Variants in USP20 observed in about 807,000 individuals in gnomAD.
USP20 encodes ubiquitin carboxyl-terminal hydrolase 20.
In USP20, 80 loss-of-function variants were observed where a neutral mutation model predicts 124.2. The observed-to-expected ratio is 0.64, with a 90% confidence interval of 0.54 to 0.78. The LOEUF (loss-of-function observed/expected upper bound fraction) is 0.78, where lower values mean the gene tolerates loss of function less well. USP20 is among the 30% of genes least tolerant of loss of function. USP20 has a pLI of 0.00. For missense variants in USP20, 1,043 were observed against 1,244.4 expected (o/e 0.84, Z 2.44); for synonymous variants, 481 against 512.3 (o/e 0.94, Z 0.83).
chr9:129,856,611 C>T (rs1360244249), intron 4 of USP20, among the ~76,000 whole-genome samples: 1 of 152,240 alleles, frequency 6.6e-6, no homozygotes, highest in Non-Finnish European at 1.5e-5. Flanking sequence ...CTGAAGGCTC[C>T]CTTCTTCATA....
intron 2 of USP20, 150 bp downstream of exon 2, chr9:129,850,074 G>A (rs745696329): frequency 5.3e-5 from 8 of 151,842 alleles, no homozygotes; most frequent in Non-Finnish European, 1.0e-4. Context: ...GAATGTGATC[G>A]CCTGTGTGTC....
chr9:129,862,285 A>G (rs568845837), intron 8 of USP20, among the ~76,000 whole-genome samples: 12 of 152,308 alleles, frequency 7.9e-5, no homozygotes, highest in Admixed American at 7.8e-4. Flanking sequence ...TGGGCGCAGT[A>G]GCCCACGCCT....
At chr9:129,840,068 A>C (rs773896926) in intron 1 of USP20, among the ~76,000 whole-genome samples, 8 of 151,580 alleles carry the variant, frequency 5.3e-5, no homozygotes, top group Non-Finnish European at 1.0e-4. Flanking sequence ...GCCCCAAGAG[A>C]GGAGGCTCTG....
Position 129,850,000 on chromosome 9 carries a change from A to G in USP20, c.-17+76A>G, listed in dbSNP as rs960850480. ...ACATGGATTTTTCTCTTTAGATGAA[A>G]GAATGGAATTGTGATTATGGGGTTT... On this transcript the variant is annotated intron_variant, in intron 2 of 25. Coordinates refer to ENST00000372429, the MANE Select transcript of USP20 (RefSeq NM_001110303.4). 36 of 151,790 alleles carry G rather than the reference A, an allele frequency of 2.4e-4. 1 individual carries two copies. Among genetic ancestry groups the G allele is most frequent in the Admixed American group, 2.4e-3 (36 of 15,252 alleles). 9.4% of individuals were successfully genotyped at this position (151,790 alleles called of 1,614,324 possible).
chr9:129,846,068 G>T (rs548755921), intron 1 of USP20, among the ~76,000 whole-genome samples: 46 of 151,570 alleles, frequency 3.0e-4, no homozygotes, highest in African/African-American at 1.1e-3. Flanking sequence ...GGGACTACAG[G>T]CGTCCGCCAC....
intron 11 of USP20, 109 bp from the exon 12 acceptor site, chr9:129,868,753 T>C: frequency 6.8e-7 from 1 of 1,474,438 alleles, no homozygotes; most frequent in Non-Finnish European, 9.0e-7. Flanking sequence ...GGAGACACAT[T>C]AGGGTCAGGC....
rs1402969337 is a variant in USP20, at chr9:129,858,455, A to G, written c.199-12A>G. The G allele has an allele frequency of 6.2e-7, 1 of 1,614,060 alleles. No individual in the cohort carries two copies. The highest frequency in any genetic ancestry group is 1.7e-5 in the Admixed American group (1 of 60,006). ...GAGTGCCCTGGACCTTGTTTTGGAT[A>G]TCACCCTCTAGGCAAAAAAGCACAA... On this transcript the variant is annotated splice_polypyrimidine_tract_variant and intron_variant, in intron 5 of 25. Transcript: ENST00000372429.
chr9:129,840,766 CTTTTTTTT>C (rs34092925), intron 1 of USP20, among the ~76,000 whole-genome samples: 10 of 120,482 alleles, frequency 8.3e-5, no homozygotes, highest in African/African-American at 3.1e-4. Flanking sequence ...CCTTTAGAAA[CTTTTTTTT>C]TTTTTTTTTT....
Position 129,846,402 on chromosome 9 carries a change from C to T in USP20, c.-128-3411C>T, listed in dbSNP as rs564201768. Reference sequence around the variant, plus strand: ...TCCCGAGTAGCTGGGACTACAGGTGCGTGCACCACCATGCCCACCTAATTT... The same window carrying T: ...TCCCGAGTAGCTGGGACTACAGGTGTGTGCACCACCATGCCCACCTAATTT... On this transcript the variant is annotated intron_variant, in intron 1 of 25. Transcript: ENST00000372429. 2.0e-5 allele frequency among the ~76,000 whole-genome samples: 3 copies of T among 150,514 alleles called. No individual in the cohort carries two copies. The South Asian group carries it at 6.3e-4, about 32-fold the overall frequency.
At chr9:129,852,447 T>C (rs1449188901) in intron 2 of USP20, 93 bp from the exon 3 acceptor site, 3 of 1,125,256 alleles carry the variant, frequency 2.7e-6, no homozygotes, top group Non-Finnish European at 3.9e-6. Flanking sequence ...AGACCAGGAC[T>C]CAAGGCCAAA....
chr9:129,879,509 C>A lies in USP20; in HGVS notation c.2513-64C>A. 1 of 1,578,800 alleles carries A rather than the reference C, an allele frequency of 6.3e-7. No homozygotes were observed. The highest frequency in any genetic ancestry group is 1.1e-5 in the South Asian group (1 of 89,980). On this transcript the variant is annotated intron_variant, in intron 23 of 25. Coordinates refer to ENST00000372429, the MANE Select transcript of USP20 (RefSeq NM_001110303.4). This position sits in a 1 kb window ranked among gnomAD's most constrained non-coding sequence, Gnocchi z 4.2. Reference sequence around the variant, plus strand: ...TGGGGCGGCCCCACTTGGGATGGCTCTGCTGCTGTGGAGGGTGGAGGGCAT... The same window carrying A: ...TGGGGCGGCCCCACTTGGGATGGCTATGCTGCTGTGGAGGGTGGAGGGCAT...
chr9:129,868,139 C>G lies in USP20; in HGVS notation c.825C>G (p.Asp275Glu), dbSNP rs769955607. Residue 275 changes from aspartate to glutamate, a missense_variant, in exon 11 of 26, where the codon GAC (aspartate) becomes GAG (glutamate). Coordinates refer to ENST00000372429, the MANE Select transcript of USP20 (RefSeq NM_001110303.4). ...ACACGGATGAGAAACGGGAGGGTGA[C>G]CGGAGCCCATCAGAAGATGAGTTCT... ...SSDTDEKREG[D>E]RSPSEDEFLS... The G allele has an allele frequency of 3.1e-6, 5 of 1,614,112 alleles. No individual in the cohort carries two copies. In the East Asian group the frequency reaches 1.1e-4, roughly 36 times the overall value.
chr9:129,869,026 G>T (rs1158544267), intron 12 of USP20, 24 bp downstream of exon 12: 1 of 1,586,896 alleles, frequency 6.3e-7, no homozygotes, highest in East Asian at 2.3e-5. Flanking sequence ...GGGAGGGTGG[G>T]TCAGCTTGAG....
intron 1 of USP20, among the ~76,000 whole-genome samples, chr9:129,840,437 C>T (rs144302647): frequency 2.6e-5 from 4 of 152,278 alleles, no homozygotes; most frequent in Non-Finnish European, 5.9e-5. Context: ...CTGGATCCTG[C>T]GATGGGGCTG....
intron 15 of USP20, among the ~76,000 whole-genome samples, chr9:129,871,361 G>T (rs994766442): frequency 2.0e-5 from 3 of 152,088 alleles, no homozygotes; most frequent in African/African-American, 7.2e-5. Context: ...CCTGCCTTTT[G>T]TATGCTGGTT....
chr9:129,860,797 C>G (rs1294565911), intron 6 of USP20, 140 bp from the exon 7 acceptor site: 1 of 794,200 alleles, frequency 1.3e-6, no homozygotes, highest in Non-Finnish European at 2.1e-6. Context: ...TTTCACAGTA[C>G]CTTCTGCTCA....
chr9:129,871,288 CG>C (rs2034113141), intron 15 of USP20, among the ~76,000 whole-genome samples: 2 of 152,094 alleles, frequency 1.3e-5, no homozygotes, highest in African/African-American at 2.4e-5. Flanking sequence ...TTGTGACTGA[CG>C]GCTTTTACTG....
At chr9:129,862,874 C>T (rs2033620374) in intron 8 of USP20, among the ~76,000 whole-genome samples, 1 of 151,592 alleles carries the variant, frequency 6.6e-6, no homozygotes, top group Admixed American at 6.6e-5. Flanking sequence ...CCACTGGACT[C>T]CAGCCTGGGC....
chr9:129,868,520 G>A (rs1207295417), intron 11 of USP20, 71 bp downstream of exon 11: 18 of 1,514,962 alleles, frequency 1.2e-5, no homozygotes, highest in South Asian at 7.6e-5. Flanking sequence ...GCTGAGCGCC[G>A]ACCTGCAGTA....
Sources: gnomAD v4.1 joint callset for allele counts (sites outside exome capture counted in the v4.1 genomes callset) on GRCh38, gnomAD v4.1.1 for gene constraint, Gnocchi (gnomAD v3.1) non-coding constraint, MANE v1.5 for transcripts, NCBI Gene and HGNC (gene_info 2026-07-23, HGNC 2026-07-21) for gene names.